CMKLR1: variants seen among roughly 807,000 people sequenced by gnomAD.
CMKLR1 encodes chemerin-like receptor 1.
A neutral mutation model predicts 8.2 loss-of-function variants in CMKLR1; 6 were observed. The ratio of observed to expected loss-of-function variants is 0.73; its 90% CI spans 0.40 to 1.44. CMKLR1 has a LOEUF of 1.44. Among genes scored for constraint, CMKLR1 ranks in the 40% most tolerant of loss-of-function variants. The pLI is 0.02. For synonymous variants in CMKLR1, 178 were observed against 181.2 expected (o/e 0.98, Z 0.14); for missense variants, 429 against 478.0 (o/e 0.90, Z 0.96).
chr12:108,328,722 C>T (rs549283475), intron 2 of CMKLR1, among the ~76,000 whole-genome samples: 3 of 152,300 alleles, frequency 2.0e-5, no homozygotes, highest in East Asian at 1.9e-4. Flanking sequence ...CTGTTCTTGA[C>T]GTCAGTCAGC....
At chr12:108,301,129 G>A (rs1593161340) in intron 2 of CMKLR1, among the ~76,000 whole-genome samples, 1 of 140,270 alleles carries the variant, frequency 7.1e-6, no homozygotes, top group Non-Finnish European at 1.5e-5. Context: ...AGGCTGGAGT[G>A]CAGTGGTGCG....
In CMKLR1 at chr12:108,288,418, G is replaced by A. The variant is rs1890861448; in HGVS notation, c.*3423C>T. ...CAAGATGAGTTTGAAGGTCCCTTATGGTTTTCACGATTGGATTCTATCTTC... is the reference window on the plus strand; with the variant it reads ...CAAGATGAGTTTGAAGGTCCCTTATAGTTTTCACGATTGGATTCTATCTTC... On this transcript the variant is annotated 3_prime_UTR_variant, in exon 4 of 4. Coordinates refer to ENST00000550402, the MANE Select transcript of CMKLR1 (RefSeq NM_001142343.2). The A allele has an allele frequency of 6.6e-6, 1 of 152,214 alleles. No homozygotes were observed. Among genetic ancestry groups the A allele is most frequent in the Admixed American group, 6.5e-5 (1 of 15,284 alleles). 9.4% of individuals were successfully genotyped at this position (152,214 alleles called of 1,614,324 possible). A position where few individuals can be genotyped will look rare whatever the true frequency, so the allele number is the denominator to read the frequency against.
intron 2 of CMKLR1, among the ~76,000 whole-genome samples, chr12:108,313,429 T>C (rs1260808249): frequency 6.6e-6 from 1 of 152,220 alleles, no homozygotes; most frequent in East Asian, 1.9e-4. Flanking sequence ...AGCTTAAGCC[T>C]CACTCAGTTA....
intron 2 of CMKLR1, among the ~76,000 whole-genome samples, chr12:108,303,950 C>T (rs193202463): frequency 6.6e-6 from 1 of 152,292 alleles, no homozygotes; most frequent in East Asian, 1.9e-4. Context: ...TGCAGCACAC[C>T]GTGGGTGAGA....
At chr12:108,333,070 C>A (rs1892144954) in intron 1 of CMKLR1, among the ~76,000 whole-genome samples, 1 of 152,216 alleles carries the variant, frequency 6.6e-6, no homozygotes, top group African/African-American at 2.4e-5. Flanking sequence ...ACACCACACC[C>A]TCTCTCCATT....
intron 2 of CMKLR1, among the ~76,000 whole-genome samples, chr12:108,318,790 T>C (rs1891791925): frequency 6.6e-6 from 1 of 152,200 alleles, no homozygotes; most frequent in Admixed American, 6.5e-5. Context: ...GAGGTGCCTT[T>C]GGTGGCCCCA....
At chr12:108,316,713 G>A (rs1243410361) in intron 2 of CMKLR1, among the ~76,000 whole-genome samples, 1 of 152,190 alleles carries the variant, frequency 6.6e-6, no homozygotes, top group Non-Finnish European at 1.5e-5. Context: ...ACATTTAAAA[G>A]CACAGGAAAG....
At chr12:108,331,011 A>G (rs945308977) in intron 1 of CMKLR1, among the ~76,000 whole-genome samples, 3 of 152,140 alleles carry the variant, frequency 2.0e-5, no homozygotes, top group African/African-American at 2.4e-5. Flanking sequence ...GGGGAAGAGA[A>G]GGAGCCCTTG....
intron 2 of CMKLR1, among the ~76,000 whole-genome samples, chr12:108,319,558 T>A (rs1433419758): frequency 7.9e-5 from 12 of 152,218 alleles, no homozygotes; most frequent in Admixed American, 7.2e-4. Context: ...GAGCAATACA[T>A]GCCTCACAAA....
At chr12:108,315,186 G>A (rs1030219263) in intron 2 of CMKLR1, among the ~76,000 whole-genome samples, 8 of 152,084 alleles carry the variant, frequency 5.3e-5, no homozygotes, top group Non-Finnish European at 1.2e-4. Context: ...GCCTCCCAAA[G>A]TGCTGGGATT....
chr12:108,316,172 C>T (rs957391778), intron 2 of CMKLR1, among the ~76,000 whole-genome samples: 1 of 152,172 alleles, frequency 6.6e-6, no homozygotes, highest in East Asian at 1.9e-4. Flanking sequence ...TTAAACAAAG[C>T]ACAGGCCTTC....
At chr12:108,300,143 A>T (rs1328511380) in intron 2 of CMKLR1, among the ~76,000 whole-genome samples, 1 of 152,126 alleles carries the variant, frequency 6.6e-6, no homozygotes, top group African/African-American at 2.4e-5. Flanking sequence ...TTTCTCTTAC[A>T]CTATGGACCA....
At chr12:108,312,658 G>A (rs570275423) in intron 2 of CMKLR1, among the ~76,000 whole-genome samples, 1 of 152,324 alleles carries the variant, frequency 6.6e-6, no homozygotes, top group East Asian at 1.9e-4. Flanking sequence ...ACAGTAGGAA[G>A]GGGCAGAGGA....
chr12:108,333,214 A>C (rs1479137576), intron 1 of CMKLR1, among the ~76,000 whole-genome samples: 1 of 138,380 alleles, frequency 7.2e-6, no homozygotes, highest in East Asian at 2.0e-4. Context: ...CAGGGCTGGA[A>C]TCTGAGGACC....
At chr12:108,335,975 C>A (rs1232063521) in intron 1 of CMKLR1, among the ~76,000 whole-genome samples, 1 of 152,258 alleles carries the variant, frequency 6.6e-6, no homozygotes, top group Non-Finnish European at 1.5e-5. Context: ...CGCTTCTTCT[C>A]TGCCAAACCT....
intron 1 of CMKLR1, among the ~76,000 whole-genome samples, chr12:108,332,371 C>A (rs1892130677): frequency 6.6e-6 from 1 of 152,150 alleles, no homozygotes; most frequent in Non-Finnish European, 1.5e-5. Flanking sequence ...TGTGGTGAGA[C>A]CCTGTGTGAT....
intron 2 of CMKLR1, among the ~76,000 whole-genome samples, chr12:108,307,704 C>T (rs558589286): frequency 3.3e-5 from 5 of 152,228 alleles, no homozygotes; most frequent in Non-Finnish European, 5.9e-5. Flanking sequence ...GCAAGAGGCT[C>T]TGCAAAGCGT....
intron 2 of CMKLR1, among the ~76,000 whole-genome samples, chr12:108,328,907 G>T (rs1219948227): frequency 2.0e-5 from 3 of 152,172 alleles, no homozygotes; most frequent in Non-Finnish European, 4.4e-5. Context: ...AAACCAAAAG[G>T]AAACACCTCA....
chr12:108,293,620 A>T lies in CMKLR1; in HGVS notation c.-29T>A. 1 of 1,548,268 alleles carries T rather than the reference A, an allele frequency of 6.5e-7. No individual in the cohort carries two copies. The highest frequency in any genetic ancestry group is 1.4e-5 in the African/African-American group (1 of 72,272). On this transcript the variant is annotated 5_prime_UTR_variant, in exon 3 of 4. It adds an upstream start codon to the 5' untranslated region. Coordinates refer to ENST00000550402, the MANE Select transcript of CMKLR1 (RefSeq NM_001142343.2). Reference sequence around the variant, plus strand: ...CCGTTATGTTGTCTGCAGCTCTCCAATGTGAGTCCTCAGCCAATCAGTCCC... The same window carrying T: ...CCGTTATGTTGTCTGCAGCTCTCCATTGTGAGTCCTCAGCCAATCAGTCCC...
Sources: allele counts gnomAD v4.1 joint callset (sites outside exome capture counted in the v4.1 genomes callset), GRCh38; gene constraint gnomAD v4.1.1; transcripts MANE v1.5; gene names NCBI Gene and HGNC (gene_info 2026-07-23, HGNC 2026-07-21).